NEGR1: variants seen among roughly 807,000 people sequenced by gnomAD.
NEGR1 encodes the protein IgLON family member 4.
NEGR1 carries 10 observed loss-of-function variants against 40.9 expected under a neutral mutation model. That is an observed-to-expected ratio of 0.24 (90% confidence interval 0.15 to 0.42). The LOEUF (loss-of-function observed/expected upper bound fraction) is 0.42, where lower values mean the gene tolerates loss of function less well. Among genes scored for constraint, NEGR1 ranks in the 10% least tolerant of loss-of-function variants. The probability of loss-of-function intolerance (pLI) is 1.00; values close to 1 mark genes in which losing one functional copy is unlikely to be tolerated. For missense variants in NEGR1, 352 were observed against 438.9 expected (o/e 0.80, Z 1.77); for synonymous variants, 185 against 166.8 (o/e 1.11, Z -0.84).
chr1:71,459,432 CTTAA>C (rs1362095867), intron 6 of NEGR1, among the ~76,000 whole-genome samples: 1 of 152,212 alleles, frequency 6.6e-6, no homozygotes, highest in African/African-American at 2.4e-5. Context: ...CACTTCCACA[CTTAA>C]TAGACTTTGA....
At chr1:72,106,825 A>T (rs1649152520) in intron 1 of NEGR1, among the ~76,000 whole-genome samples, 1 of 151,958 alleles carries the variant, frequency 6.6e-6, no homozygotes. Context: ...CAAAATTTTC[A>T]GTGTTCCCTC....
chr1:71,474,281 ATGTG>A lies in NEGR1; in HGVS notation c.941-66715_941-66712del, dbSNP rs112956217. On this transcript the variant is annotated intron_variant, in intron 6 of 6. Coordinates refer to ENST00000357731, the MANE Select transcript of NEGR1 (RefSeq NM_173808.3). Reference sequence around the variant, plus strand: ...TGGAATAAATAAAGAAAACAGGAAAATGTGTGTGTGTGTGTGTGTGTGTGTGTGA... The same window carrying A: ...TGGAATAAATAAAGAAAACAGGAAAATGTGTGTGTGTGTGTGTGTGTGTGA... Among the ~76,000 whole-genome samples the A allele has an allele frequency of 2.7e-3, 389 of 143,632 alleles. 4 individuals are homozygous for A. In the East Asian group the frequency reaches 0.035, roughly 13 times the overall value. 94.2% of individuals were successfully genotyped at this position (143,632 alleles called of 152,430 possible).
chr1:72,114,000 T>C (rs1374652014), intron 1 of NEGR1, among the ~76,000 whole-genome samples: 1 of 151,782 alleles, frequency 6.6e-6, no homozygotes, highest in East Asian at 1.9e-4. Context: ...TGTTATCATC[T>C]ACTAATCATA....
At chr1:71,803,496 T>C (rs1480410580) in intron 2 of NEGR1, among the ~76,000 whole-genome samples, 3 of 152,164 alleles carry the variant, frequency 2.0e-5, no homozygotes, top group African/African-American at 4.8e-5. Context: ...CTGTTGCTTT[T>C]CCAATATAAT....
At chr1:71,497,210 C>T (rs1015833447) in intron 6 of NEGR1, among the ~76,000 whole-genome samples, 5 of 151,976 alleles carry the variant, frequency 3.3e-5, no homozygotes, top group Admixed American at 2.6e-4. Flanking sequence ...TTTTCTATTC[C>T]TGATGTTTTA....
At chr1:71,926,456 C>T (rs763468824) in intron 2 of NEGR1, among the ~76,000 whole-genome samples, 3 of 151,846 alleles carry the variant, frequency 2.0e-5, no homozygotes, top group Non-Finnish European at 4.4e-5. Flanking sequence ...ACATATTATT[C>T]ATCTCATGAG....
At chr1:71,434,551 C>T (rs1282320699) in intron 6 of NEGR1, among the ~76,000 whole-genome samples, 5 of 152,036 alleles carry the variant, frequency 3.3e-5, no homozygotes, top group Non-Finnish European at 7.4e-5. Flanking sequence ...AGTGATTTCT[C>T]GAGGTTCTTG....
At chr1:71,774,892 T>C (rs1297952793) in intron 3 of NEGR1, among the ~76,000 whole-genome samples, 1 of 152,206 alleles carries the variant, frequency 6.6e-6, no homozygotes, top group Non-Finnish European at 1.5e-5. Context: ...TTCCTGAAAT[T>C]GACTTATAAT....
In NEGR1 at chr1:71,700,045, A is replaced by G. The variant is rs116157712; in HGVS notation, c.536-1906T>C. On this transcript the variant is annotated intron_variant, in intron 3 of 6. Transcript: ENST00000357731. ...TTTATCAGCAGTGCGAAAGCGAACT[A>G]ATACAACAACATAATAGAAAATTCA... Among the ~76,000 whole-genome samples, 872 of 152,124 alleles carry G rather than the reference A, an allele frequency of 5.7e-3. 4 individuals carry two copies. Among genetic ancestry groups the G allele is most frequent in the Non-Finnish European group, 9.3e-3 (633 of 67,914 alleles).
intron 2 of NEGR1, among the ~76,000 whole-genome samples, chr1:71,821,885 C>A (rs938223598): frequency 6.6e-6 from 1 of 151,948 alleles, no homozygotes; most frequent in African/African-American, 2.4e-5. Context: ...CATAAGCAAG[C>A]AACATGAGCA....
At chr1:72,215,384 G>A (rs1381168053) in intron 1 of NEGR1, among the ~76,000 whole-genome samples, 2 of 152,104 alleles carry the variant, frequency 1.3e-5, no homozygotes, top group Non-Finnish European at 2.9e-5. Context: ...TTAAACTAAA[G>A]AGCTTCTGCA....
chr1:71,697,928 AAC>A (rs2101628741), intron 4 of NEGR1, 78 bp downstream of exon 4: 1 of 1,375,998 alleles, frequency 7.3e-7, no homozygotes, highest in East Asian at 2.3e-5. Context: ...TAAAAACAGC[AAC>A]ATAAATTTCA....
intron 1 of NEGR1, among the ~76,000 whole-genome samples, chr1:71,938,924 C>T (rs909210947): frequency 2.0e-5 from 3 of 152,080 alleles, no homozygotes; most frequent in Admixed American, 6.6e-5. Context: ...GCAGAATGAA[C>T]ATTTTAGAGT....
intron 4 of NEGR1, among the ~76,000 whole-genome samples, chr1:71,622,697 C>T (rs1305690640): frequency 1.3e-5 from 2 of 151,752 alleles, no homozygotes; most frequent in Non-Finnish European, 2.9e-5. Flanking sequence ...TATATACATT[C>T]GAGATAGGTG....
chr1:71,630,381 A>T (rs1650933839), intron 4 of NEGR1, among the ~76,000 whole-genome samples: 1 of 151,910 alleles, frequency 6.6e-6, no homozygotes, highest in South Asian at 2.1e-4. Context: ...TAAAGTGTTA[A>T]ATGGGGTTCA....
intron 1 of NEGR1, among the ~76,000 whole-genome samples, chr1:71,984,546 G>A (rs770297373): frequency 1.3e-5 from 2 of 152,056 alleles, no homozygotes; most frequent in African/African-American, 4.8e-5. Flanking sequence ...CTGACTCTGG[G>A]ATTAGGCTAC....
chr1:71,771,722 A>AAAAAAAAGG (rs1656333440), intron 3 of NEGR1, among the ~76,000 whole-genome samples: 8 of 148,270 alleles, frequency 5.4e-5, no homozygotes, highest in Non-Finnish European at 9.0e-5. Context: ...AAAAAAAAAA[A>AAAAAAAAGG]GGTGTGAATC....
intron 1 of NEGR1, among the ~76,000 whole-genome samples, chr1:72,145,112 A>G (rs1476970874): frequency 6.6e-6 from 1 of 152,036 alleles, no homozygotes; most frequent in Non-Finnish European, 1.5e-5. Flanking sequence ...ATAAAGAGTG[A>G]GGTTTTAAAA....
intron 6 of NEGR1, among the ~76,000 whole-genome samples, chr1:71,443,706 C>T (rs1646563020): frequency 6.6e-6 from 1 of 152,198 alleles, no homozygotes; most frequent in African/African-American, 2.4e-5. Context: ...GTATTTTAAT[C>T]AGTTGAATAT....
Sources: allele counts gnomAD v4.1 joint callset (sites outside exome capture counted in the v4.1 genomes callset), GRCh38; gene constraint gnomAD v4.1.1; transcripts MANE v1.5; gene names NCBI Gene and HGNC (gene_info 2026-07-23, HGNC 2026-07-21).